The following ANO10 variants were observed in gnomAD, a reference collection of about 807,000 sequenced individuals.
ANO10 encodes the protein anoctamin 10, also known as anoctamin-10.
A neutral mutation model predicts 74.7 loss-of-function variants in ANO10; 77 were observed. The observed-to-expected ratio is 1.03, with a 90% CI of 0.86 to 1.25. The LOEUF (loss-of-function observed/expected upper bound fraction) is 1.25. Ranked by LOEUF, ANO10 falls within the 50% of genes most tolerant of loss-of-function variation. The probability of loss-of-function intolerance (pLI) is 0.00; values close to 1 mark genes in which losing one functional copy is unlikely to be tolerated. For synonymous variants in ANO10, 279 were observed against 284.9 expected (o/e 0.98, Z 0.21); for missense variants, 721 against 778.1 (o/e 0.93, Z 0.87).
intron 11 of ANO10, among the ~76,000 whole-genome samples, chr3:43,504,752 C>T (rs1054840801): frequency 6.6e-6 from 1 of 152,026 alleles, no homozygotes; most frequent in African/African-American, 2.4e-5. Context: ...AAGGGATTCT[C>T]CTGCCTCAGC....
At chr3:43,526,660 T>A (rs2078210703) in intron 11 of ANO10, among the ~76,000 whole-genome samples, 1 of 152,224 alleles carries the variant, frequency 6.6e-6, no homozygotes, top group Non-Finnish European at 1.5e-5. Context: ...ACGTCCTATG[T>A]CTTATGAATA....
At chr3:43,595,671 A>C (rs139825647) in intron 4 of ANO10, among the ~76,000 whole-genome samples, 1 of 152,328 alleles carries the variant, frequency 6.6e-6, no homozygotes, top group East Asian at 1.9e-4. Context: ...AATGGGCAAA[A>C]ACTGTAAGTA....
chr3:43,633,049 G>T (rs911602342), intron 1 of ANO10, among the ~76,000 whole-genome samples: 10 of 152,116 alleles, frequency 6.6e-5, no homozygotes, highest in Non-Finnish European at 1.5e-4. Context: ...AAAATGAAGA[G>T]AAAAAGAACT....
At chr3:43,378,208 G>A (rs983278988) in intron 12 of ANO10, among the ~76,000 whole-genome samples, 1 of 152,214 alleles carries the variant, frequency 6.6e-6, no homozygotes, top group Non-Finnish European at 1.5e-5. Flanking sequence ...TGGCCACAAG[G>A]AAAGTGAAAG....
chr3:43,449,756 T>C (rs2148992368), intron 11 of ANO10, among the ~76,000 whole-genome samples: 1 of 152,282 alleles, frequency 6.6e-6, no homozygotes, highest in East Asian at 1.9e-4. Flanking sequence ...CAGCATTGTG[T>C]TGGCTATTTT....
intron 11 of ANO10, among the ~76,000 whole-genome samples, chr3:43,449,686 T>C (rs1320221163): frequency 6.6e-6 from 1 of 152,156 alleles, no homozygotes; most frequent in African/African-American, 2.4e-5. Flanking sequence ...AATGTCTTCA[T>C]TACTGTAGCT....
At chr3:43,684,597 T>C (rs556587015) in intron 1 of ANO10, among the ~76,000 whole-genome samples, 2 of 152,274 alleles carry the variant, frequency 1.3e-5, no homozygotes, top group Admixed American at 6.5e-5. Flanking sequence ...ACCCATAGGA[T>C]TATAAAACAT....
chr3:43,682,129 A>G (rs1213756781), intron 1 of ANO10, among the ~76,000 whole-genome samples: 1 of 152,212 alleles, frequency 6.6e-6, no homozygotes, highest in Non-Finnish European at 1.5e-5. Context: ...CAAAAAATCA[A>G]TGAATCCAGG....
intron 12 of ANO10, among the ~76,000 whole-genome samples, chr3:43,420,058 A>G (rs1304497117): frequency 1.3e-5 from 2 of 152,224 alleles, no homozygotes; most frequent in Non-Finnish European, 2.9e-5. Context: ...TTCCTAGCCT[A>G]TCAATCACTA....
intron 4 of ANO10, among the ~76,000 whole-genome samples, chr3:43,594,798 C>A (rs558123591): frequency 6.6e-6 from 1 of 152,088 alleles, no homozygotes; most frequent in South Asian, 2.1e-4. Flanking sequence ...CACAAAAAAC[C>A]CTTCAAAAAA....
At chr3:43,431,911 A>C (rs1408305146) in intron 12 of ANO10, among the ~76,000 whole-genome samples, 2 of 152,060 alleles carry the variant, frequency 1.3e-5, no homozygotes, top group Admixed American at 6.6e-5. Flanking sequence ...AGTGGTTTGG[A>C]GGCCAAAGAA....
chr3:43,367,649 G>C (rs2091458912), intron 12 of ANO10, among the ~76,000 whole-genome samples: 1 of 152,066 alleles, frequency 6.6e-6, no homozygotes, highest in African/African-American at 2.4e-5. Flanking sequence ...TCAGAAGGGA[G>C]AGCCTGTTCC....
chr3:43,628,431 C>T (rs781732577), intron 1 of ANO10, among the ~76,000 whole-genome samples: 5 of 152,092 alleles, frequency 3.3e-5, no homozygotes, highest in Admixed American at 1.3e-4. Flanking sequence ...GGATGTATGT[C>T]GCCTCAGGAC....
chr3:43,524,743 C>T (rs905352440), intron 11 of ANO10, among the ~76,000 whole-genome samples: 1 of 152,106 alleles, frequency 6.6e-6, no homozygotes, highest in African/African-American at 2.4e-5. Flanking sequence ...AGATCTCTTC[C>T]AGCATCCTTT....
intron 11 of ANO10, among the ~76,000 whole-genome samples, chr3:43,502,733 T>C (rs1477025875): frequency 6.6e-6 from 1 of 152,230 alleles, no homozygotes; most frequent in Non-Finnish European, 1.5e-5. Context: ...AGTATGTACG[T>C]GCAATGGAAT....
At chr3:43,596,938 C>T (rs1035255112) in intron 4 of ANO10, among the ~76,000 whole-genome samples, 1 of 152,106 alleles carries the variant, frequency 6.6e-6, no homozygotes, top group Non-Finnish European at 1.5e-5. Flanking sequence ...ACAACCCCAT[C>T]GAAAAGTGGG....
At chr3:43,619,975 A>G (rs138062622) in intron 1 of ANO10, among the ~76,000 whole-genome samples, 1 of 152,274 alleles carries the variant, frequency 6.6e-6, no homozygotes, top group Non-Finnish European at 1.5e-5. Flanking sequence ...GGATTCACAC[A>G]TGACATGAGA....
At position 43,605,848 on chromosome 3, in the gene ANO10, T is replaced by A. The variant is rs569513041; in HGVS notation, c.5A>T (p.Lys2Ile). M[K>I]VTLSALDTSE... ...AGTATCCAAAGCTGATAAGGTCACT[T>A]TCATCTTTGACAAATCTGCGGAAAA... Residue 2 changes from lysine to isoleucine, a missense_variant, in exon 2 of 13, where the codon AAA (lysine) becomes ATA (isoleucine). Transcript: ENST00000292246. 57 of 1,613,450 alleles carry A rather than the reference T, an allele frequency of 3.5e-5. No individual in the cohort carries two copies. The highest frequency in any genetic ancestry group is 2.2e-4 in the Admixed American group (13 of 59,974).
intron 1 of ANO10, among the ~76,000 whole-genome samples, chr3:43,606,803 A>G (rs753231951): frequency 2.0e-5 from 3 of 152,136 alleles, no homozygotes; most frequent in Non-Finnish European, 4.4e-5. Context: ...CACATTAACT[A>G]TGAACACAAG....
Sources: allele counts gnomAD v4.1 joint callset (sites outside exome capture counted in the v4.1 genomes callset), GRCh38; gene constraint gnomAD v4.1.1; transcripts MANE v1.5; gene names NCBI Gene and HGNC (gene_info 2026-07-23, HGNC 2026-07-21).